The following CDH4 variants were observed in gnomAD, a reference collection of about 807,000 sequenced individuals.
CDH4 encodes the protein cadherin 4.
CDH4 carries 33 observed loss-of-function variants against 86.0 expected under a neutral mutation model. That is an observed-to-expected ratio of 0.38 (90% CI 0.29 to 0.51). The LOEUF (loss-of-function observed/expected upper bound fraction) is 0.51. CDH4 is among the 20% of genes least tolerant of loss of function. CDH4 has a pLI of 0.86. For missense variants in CDH4, 1,114 were observed against 1,307.4 expected (o/e 0.85, Z 2.28); for synonymous variants, 555 against 549.4 (o/e 1.01, Z -0.14).
In CDH4 at chr20:61,684,587, G is replaced by C. The variant is rs1209668324; in HGVS notation, c.170-58976G>C. Among the ~76,000 whole-genome samples the C allele has an allele frequency of 6.6e-6, 1 of 152,190 alleles. No homozygotes were observed. Among genetic ancestry groups the C allele is most frequent in the East Asian group, 1.9e-4 (1 of 5,200 alleles). ...GGGAATCCTGGGCTCCGTCCTGGGG[G>C]CTGAAAGGCTCCTGGGGGTTCAGTC... On this transcript the variant is annotated intron_variant, in intron 2 of 15. Transcript: ENST00000614565. This position sits in a 1 kb window ranked among gnomAD's most constrained non-coding sequence, Gnocchi z 4.5.
At chr20:61,731,165 T>G (rs6142843) in intron 2 of CDH4, among the ~76,000 whole-genome samples, 2 of 151,754 alleles carry the variant, frequency 1.3e-5, no homozygotes, top group Admixed American at 6.6e-5. Flanking sequence ...AGTCCCCCCC[T>G]CAGCCCTCAG....
chr20:61,568,620 C>T (rs908809814), intron 2 of CDH4, among the ~76,000 whole-genome samples: 1 of 152,252 alleles, frequency 6.6e-6, no homozygotes, highest in African/African-American at 2.4e-5. Context: ...TCCCGCCTTC[C>T]TGCTATGCTC....
chr20:61,495,315 C>T (rs1018574631), intron 2 of CDH4, among the ~76,000 whole-genome samples: 6 of 152,204 alleles, frequency 3.9e-5, no homozygotes, highest in Admixed American at 2.6e-4. Context: ...ACGTTCCCCT[C>T]GTTAACTACA....
At chr20:61,716,747 A>G (rs1196612723) in intron 2 of CDH4, among the ~76,000 whole-genome samples, 1 of 152,068 alleles carries the variant, frequency 6.6e-6, no homozygotes, top group Non-Finnish European at 1.5e-5. Flanking sequence ...CATCTCTACT[A>G]AAAATACAAA....
intron 2 of CDH4, among the ~76,000 whole-genome samples, chr20:61,295,477 C>T (rs2123192078): frequency 6.6e-6 from 1 of 152,348 alleles, no homozygotes; most frequent in East Asian, 1.9e-4. Flanking sequence ...TGGATGTACA[C>T]ACACTGCGAC....
chr20:61,606,160 G>A (rs1037995136), intron 2 of CDH4, among the ~76,000 whole-genome samples: 1 of 152,130 alleles, frequency 6.6e-6, no homozygotes, highest in Non-Finnish European at 1.5e-5. Context: ...GGTTTGCAGG[G>A]CACCTCCCCC....
rs1003299099 is a variant in CDH4, at chr20:61,591,959, G to A, written c.170-151604G>A. Reference sequence around the variant, plus strand: ...CTTGAAAGCTCTGTTTGTCCTTGCAGCAAATACCGCCAACTGTTTGCCTCA... The same window carrying A: ...CTTGAAAGCTCTGTTTGTCCTTGCAACAAATACCGCCAACTGTTTGCCTCA... On this transcript the variant is annotated intron_variant, in intron 2 of 15. Coordinates refer to ENST00000614565, the MANE Select transcript of CDH4 (RefSeq NM_001794.5). Among the ~76,000 whole-genome samples the A allele has an allele frequency of 1.1e-4, 16 of 152,300 alleles. 1 individual carries two copies. The highest frequency in any genetic ancestry group is 1.0e-3 in the Admixed American group (16 of 15,300).
chr20:61,614,103 G>A (rs2086707144), intron 2 of CDH4, among the ~76,000 whole-genome samples: 1 of 152,098 alleles, frequency 6.6e-6, no homozygotes, highest in Admixed American at 6.5e-5. Flanking sequence ...TCGGCTCCCA[G>A]AGCCTGGGAT....
chr20:61,605,356 C>T (rs1600800803), intron 2 of CDH4, among the ~76,000 whole-genome samples: 1 of 151,520 alleles, frequency 6.6e-6, no homozygotes, highest in African/African-American at 2.4e-5. Flanking sequence ...TCTCTGTCTC[C>T]CTATTTGTCT....
At chr20:61,872,772 G>A (rs113272517) in intron 6 of CDH4, among the ~76,000 whole-genome samples, 6,450 of 152,342 alleles carry the variant, frequency 0.042, 489 homozygotes, top group African/African-American at 0.15. Context: ...GAGAGAGCCC[G>A]CCGTGCCAGC....
At chr20:61,445,711 G>A (rs765774753) in intron 2 of CDH4, among the ~76,000 whole-genome samples, 40 of 152,160 alleles carry the variant, frequency 2.6e-4, no homozygotes, top group Non-Finnish European at 5.1e-4. Flanking sequence ...CAGTGCTCTC[G>A]ATTTTTAAAA....
At chr20:61,786,061 GATGGGAGGAACTGCTCTAAGAAC>G (rs1292099361) in intron 4 of CDH4, among the ~76,000 whole-genome samples, 2 of 152,186 alleles carry the variant, frequency 1.3e-5, no homozygotes, top group Non-Finnish European at 2.9e-5. Flanking sequence ...CCACGTCCAG[GATGGGAGGAACTGCTCTAAGAAC>G]ACGTGAACGA....
rs1383887003 is a variant in CDH4 at position 61,565,122 on chromosome 20, T to TTGGTGATGGGGAGG, written c.170-178436_170-178435insATGGGGAGGTGGTG. Among the ~76,000 whole-genome samples the TTGGTGATGGGGAGG allele has an allele frequency of 7.7e-5, 8 of 104,326 alleles. No homozygotes were observed. In the South Asian group the frequency reaches 2.8e-3, roughly 36 times the overall value. The allele number at this position is 104,326 out of a possible 152,430, so 68.4% of individuals were successfully genotyped here. On this transcript the variant is annotated intron_variant, in intron 2 of 15. Coordinates refer to ENST00000614565, the MANE Select transcript of CDH4 (RefSeq NM_001794.5). The stretch of plus-strand genomic sequence containing the variant: ...GGTGCTCTTGGTGGTGCTGGTGCTC[T>TTGGTGATGGGGAGG]TGGTGGTGCTGGTCCTCTTGGTGTT...
At chr20:61,870,194 C>T (rs909559228) in intron 6 of CDH4, among the ~76,000 whole-genome samples, 2 of 152,208 alleles carry the variant, frequency 1.3e-5, no homozygotes, top group African/African-American at 4.8e-5. Flanking sequence ...CCCAGCCCTG[C>T]TCCACCGCTG....
intron 2 of CDH4, among the ~76,000 whole-genome samples, chr20:61,639,126 G>A (rs1436623220): frequency 1.3e-5 from 2 of 152,230 alleles, no homozygotes; most frequent in East Asian, 1.9e-4. Flanking sequence ...GATAAACGAC[G>A]TCCCACAGTA....
rs1333095139 is a variant in CDH4 at position 61,873,630 on chromosome 20, C to T, written c.878-98C>T. On this transcript the variant is annotated intron_variant, in intron 6 of 15. Coordinates refer to ENST00000614565, the MANE Select transcript of CDH4 (RefSeq NM_001794.5). ...AGGGGGTTCCGCTACGCCAGACTCACGGAGAGCTCTGTGGTCGGGGGGCTC... is the reference window on the plus strand; with the variant it reads ...AGGGGGTTCCGCTACGCCAGACTCATGGAGAGCTCTGTGGTCGGGGGGCTC... 22 of 1,340,092 alleles carry T rather than the reference C, an allele frequency of 1.6e-5. No homozygotes were observed. In the Admixed American group the frequency reaches 1.9e-4, roughly 12 times the overall value. The allele number at this position is 1,340,092 out of a possible 1,614,324, so 83.0% of individuals were successfully genotyped here.
chr20:61,353,774 T>A (rs184291854), intron 2 of CDH4, among the ~76,000 whole-genome samples: 135 of 65,500 alleles, frequency 2.1e-3, no homozygotes, highest in African/African-American at 6.5e-3. Flanking sequence ...CCAGTTCACC[T>A]TCCACTGGGT....
rs1379275320 is a variant in CDH4, at chr20:61,684,090, G to T, written c.170-59473G>T. 6.6e-6 allele frequency among the ~76,000 whole-genome samples: 1 copy of T among 152,246 alleles called. No individual in the cohort carries two copies. Among genetic ancestry groups the T allele is most frequent in the Non-Finnish European group, 1.5e-5 (1 of 68,050 alleles). On this transcript the variant is annotated intron_variant, in intron 2 of 15. Coordinates refer to ENST00000614565, the MANE Select transcript of CDH4 (RefSeq NM_001794.5). The surrounding 1 kb of genome is among the most constrained non-coding windows in gnomAD (Gnocchi z 4.5). ...CCTGTGTGTGGATTCATTTAACAGG[G>T]TTGGCTGATACCTACTGTGTAGCAG... is the stretch of plus-strand genomic sequence containing the variant.
chr20:61,373,428 ATTG>A (rs1472895227), intron 2 of CDH4, among the ~76,000 whole-genome samples: 7 of 152,190 alleles, frequency 4.6e-5, no homozygotes, highest in Admixed American at 3.9e-4. Flanking sequence ...AGACCCTTTT[ATTG>A]TTCTAAAAAC....
Sources: allele counts gnomAD v4.1 joint callset (sites outside exome capture counted in the v4.1 genomes callset), GRCh38; gene constraint gnomAD v4.1.1; non-coding constraint Gnocchi (gnomAD v3.1); transcripts MANE v1.5; gene names NCBI Gene and HGNC (gene_info 2026-07-23, HGNC 2026-07-21).